Variants in TRAK1 observed in about 807,000 individuals in gnomAD.
The protein encoded by TRAK1 is trafficking kinesin protein 1, also known as trafficking kinesin-binding protein 1.
TRAK1 carries 33 observed loss-of-function variants against 92.1 expected under a neutral mutation model. The ratio of observed to expected loss-of-function variants is 0.36; its 90% confidence interval spans 0.27 to 0.48. The LOEUF (loss-of-function observed/expected upper bound fraction) is 0.48, where lower values mean the gene tolerates loss of function less well. Among genes scored for constraint, TRAK1 ranks in the 20% least tolerant of loss-of-function variants. TRAK1 has a pLI of 0.99. For synonymous variants in TRAK1, 521 were observed against 517.3 expected (o/e 1.01, Z -0.10); for missense variants, 1,123 against 1,257.9 (o/e 0.89, Z 1.62).
chr3:42,095,972 C>T (rs1224915353), intron 1 of TRAK1, among the ~76,000 whole-genome samples: 8 of 152,156 alleles, frequency 5.3e-5, no homozygotes, highest in East Asian at 1.9e-4. Flanking sequence ...AGGTGCCATC[C>T]GTGAACCAGG....
intron 1 of TRAK1, among the ~76,000 whole-genome samples, chr3:42,104,463 C>G (rs750582613): frequency 1.3e-5 from 2 of 152,156 alleles, no homozygotes; most frequent in Non-Finnish European, 1.5e-5. Flanking sequence ...CCGACTGACA[C>G]CTCATACAGC....
intron 1 of TRAK1, among the ~76,000 whole-genome samples, chr3:42,117,859 T>C (rs4974008): frequency 0.67 from 101,428 of 151,664 alleles, 34,280 homozygotes; most frequent in South Asian, 0.86. Flanking sequence ...AGCTCTGTCA[T>C]CAGGCTGGAA....
At chr3:42,082,708 T>A (rs1265371368), upstream of TRAK1, among the ~76,000 whole-genome samples, 1 of 152,104 alleles carries the variant, frequency 6.6e-6, no homozygotes, top group Non-Finnish European at 1.5e-5. Flanking sequence ...TGAAACTGTC[T>A]TAGTTTTCAG....
At chr3:42,196,007 G>A (rs1307079617) in intron 10 of TRAK1, among the ~76,000 whole-genome samples, 1 of 152,152 alleles carries the variant, frequency 6.6e-6, no homozygotes. Context: ...CCACTCCACT[G>A]CCTTCCCCAC....
intron 13 of TRAK1, 125 bp from the exon 14 acceptor site, chr3:42,209,642 A>T: frequency 1.1e-6 from 1 of 918,850 alleles, no homozygotes; most frequent in East Asian, 2.6e-5. Flanking sequence ...GTCCACCTGG[A>T]GGCCCAGACC....
intron 1 of TRAK1, among the ~76,000 whole-genome samples, chr3:42,066,439 G>C (rs1219657050): frequency 1.3e-5 from 2 of 152,102 alleles, no homozygotes; most frequent in African/African-American, 4.8e-5. Context: ...GAGAGAGAGA[G>C]AGAGAGCACC....
intron 1 of TRAK1, among the ~76,000 whole-genome samples, chr3:42,026,137 T>C (rs1356992358): frequency 6.6e-6 from 1 of 152,200 alleles, no homozygotes; most frequent in Non-Finnish European, 1.5e-5. Flanking sequence ...TTCCTTCTTT[T>C]GTCCTTTGAG....
Position 42,223,676 on chromosome 3 carries a change from T to G in TRAK1, c.2801T>G (p.Val934Gly). The G allele has an allele frequency of 6.2e-7, 1 of 1,614,012 alleles. No homozygotes were observed. Among genetic ancestry groups the G allele is most frequent in the Non-Finnish European group, 8.5e-7 (1 of 1,179,918 alleles). Residue 934 changes from valine to glycine, a missense_variant, in exon 16 of 16, where the codon GTG (valine) becomes GGG (glycine). By Grantham distance (109) the Val-to-Gly change is moderately radical. Transcript: ENST00000327628. This position sits in a 1 kb window ranked among gnomAD's most constrained non-coding sequence, Gnocchi z 6.1. The stretch of plus-strand genomic sequence containing the variant: ...TCTAGCATGCAGATGAAAGCTCCTG[T>G]GACTCTCACCTCGGGCATCTTGATG... The part of the protein sequence containing the change: ...VGSSMQMKAP[V>G]TLTSGILMGA...
At chr3:42,046,615 T>G (rs1197395158) in intron 1 of TRAK1, among the ~76,000 whole-genome samples, 2 of 152,126 alleles carry the variant, frequency 1.3e-5, no homozygotes, top group Non-Finnish European at 2.9e-5. Flanking sequence ...GCTGGGAAGA[T>G]GGAATTAAGA....
At chr3:42,218,405 A>G (rs1577066233) in intron 14 of TRAK1, 2 of 924,744 alleles carry the variant, frequency 2.2e-6, no homozygotes, top group African/African-American at 2.6e-5. Flanking sequence ...GTTTTCTCCC[A>G]GGAGGTCTCT....
intron 1 of TRAK1, among the ~76,000 whole-genome samples, chr3:42,096,040 A>G (rs1004636823): frequency 6.6e-6 from 1 of 152,194 alleles, no homozygotes; most frequent in African/African-American, 2.4e-5. Flanking sequence ...TCAGTCCCCA[A>G]AGCTGGGAGA....
chr3:42,049,789 AGTCTT>A lies in TRAK1; in HGVS notation c.-519+35673_-519+35677del, dbSNP rs746755616. On this transcript the variant is annotated intron_variant, in intron 1 of 16. Transcript: ENST00000487159. ...CTAACTTTTTTGGAATGAGTGTCCT[AGTCTT>A]ATTTTCTGGATACAGTGCCTTCTCT... Among the ~76,000 whole-genome samples, 4 of 152,212 alleles carry A rather than the reference AGTCTT, an allele frequency of 2.6e-5. No individual in the cohort carries two copies. In the East Asian group the frequency reaches 7.7e-4, roughly 29 times the overall value.
At chr3:42,066,611 A>C (rs978369022) in intron 1 of TRAK1, among the ~76,000 whole-genome samples, 7 of 152,044 alleles carry the variant, frequency 4.6e-5, no homozygotes, top group African/African-American at 1.7e-4. Context: ...GGCACGGCTC[A>C]GTCCTCCCTG....
intron 1 of TRAK1, among the ~76,000 whole-genome samples, chr3:42,092,681 T>TTGTTTTGTTTTGTTG (rs750189192): frequency 2.1e-4 from 28 of 131,382 alleles, no homozygotes; most frequent in Admixed American, 1.8e-3. Flanking sequence ...TCCTTTTATT[T>TTGTTTTGTTTTGTTG]TGTTGTGTTG....
intron 1 of TRAK1, among the ~76,000 whole-genome samples, chr3:42,067,376 G>T (rs1209690301): frequency 6.6e-6 from 1 of 152,126 alleles, no homozygotes; most frequent in Non-Finnish European, 1.5e-5. Context: ...GCTGTGTCCG[G>T]GCTGAGATGT....
At chr3:42,018,759 T>C (rs933953880) in intron 1 of TRAK1, among the ~76,000 whole-genome samples, 14 of 152,252 alleles carry the variant, frequency 9.2e-5, no homozygotes, top group Non-Finnish European at 5.9e-5. Context: ...CTAATTTATG[T>C]TGATACAGAT....
intron 2 of TRAK1, among the ~76,000 whole-genome samples, chr3:42,164,919 G>A (rs866368709): frequency 6.6e-6 from 1 of 152,224 alleles, no homozygotes; most frequent in Non-Finnish European, 1.5e-5. Flanking sequence ...GAAAAGAGAA[G>A]TTTCATGGTC....
intron 11 of TRAK1, among the ~76,000 whole-genome samples, chr3:42,200,306 T>G (rs999074485): frequency 3.9e-5 from 6 of 152,180 alleles, no homozygotes; most frequent in Non-Finnish European, 7.4e-5. Context: ...TTTCCAAAAT[T>G]AGACAAATCT....
At chr3:42,086,113 G>T (rs769745416), upstream of TRAK1, among the ~76,000 whole-genome samples, 2 of 152,198 alleles carry the variant, frequency 1.3e-5, no homozygotes, top group Non-Finnish European at 2.9e-5. Context: ...GTGTGTGCAG[G>T]TGCGCTGGGA....
Sources: gnomAD v4.1 joint callset for allele counts (sites outside exome capture counted in the v4.1 genomes callset) on GRCh38, gnomAD v4.1.1 for gene constraint, Gnocchi (gnomAD v3.1) non-coding constraint, MANE v1.5 for transcripts, NCBI Gene and HGNC (gene_info 2026-07-23, HGNC 2026-07-21) for gene names.